The following COL13A1 variants were observed in gnomAD, a reference collection of about 807,000 sequenced individuals.
COL13A1 encodes collagen type XIII alpha 1 chain.
In COL13A1, 89 loss-of-function variants were observed where a neutral mutation model predicts 130.9. The observed-to-expected ratio is 0.68, with a 90% CI of 0.57 to 0.81. The LOEUF (loss-of-function observed/expected upper bound fraction) is 0.81. Ranked by LOEUF, COL13A1 falls within the 30% of genes least tolerant of loss-of-function variation. The probability of loss-of-function intolerance (pLI) is 0.00; values close to 1 mark genes in which losing one functional copy is unlikely to be tolerated. For synonymous variants in COL13A1, 402 were observed against 341.6 expected, an observed-to-expected ratio of 1.18 and a Z score of -1.95; for missense variants, 879 against 934.6, an observed-to-expected ratio of 0.94 and a Z score of 0.78.
intron 17 of COL13A1, among the ~76,000 whole-genome samples, chr10:69,908,800 C>T (rs530649994): frequency 1.6e-4 from 24 of 152,332 alleles, no homozygotes; most frequent in African/African-American, 5.8e-4. Context: ...GGGAGATTTG[C>T]TCAGAGCCTC....
At chr10:69,905,145 C>T (rs896760420) in intron 16 of COL13A1, among the ~76,000 whole-genome samples, 186 bp downstream of exon 16, 9 of 152,178 alleles carry the variant, frequency 5.9e-5, no homozygotes, top group Non-Finnish European at 1.2e-4. Context: ...ACAAGAATTG[C>T]ACTTCTTGGG....
chr10:69,889,544 T>G, intron 10 of COL13A1, 104 bp downstream of exon 10: 1 of 1,433,172 alleles, frequency 7.0e-7, no homozygotes. Context: ...ACAACAGGAA[T>G]GGCTGTCCAT....
intron 1 of COL13A1, among the ~76,000 whole-genome samples, chr10:69,816,956 G>A (rs1047404498): frequency 3.9e-5 from 6 of 152,146 alleles, no homozygotes; most frequent in South Asian, 2.1e-4. Context: ...TCTCTTTTCC[G>A]TTTTTATGCT....
intron 21 of COL13A1, among the ~76,000 whole-genome samples, chr10:69,921,529 C>T (rs1011980111): frequency 1.3e-5 from 2 of 152,196 alleles, no homozygotes; most frequent in African/African-American, 4.8e-5. Context: ...CAACCACTGG[C>T]GTTCTGAACT....
At chr10:69,877,695 T>TCA (rs2059720967) in intron 5 of COL13A1, 8 of 112,242 alleles carry the variant, frequency 7.1e-5, no homozygotes, top group South Asian at 2.9e-4. Context: ...TCTCTCTCTC[T>TCA]CTCTCACACA....
intron 2 of COL13A1, among the ~76,000 whole-genome samples, chr10:69,863,732 AAG>A (rs1412309224): frequency 2.6e-5 from 4 of 152,122 alleles, no homozygotes; most frequent in Non-Finnish European, 5.9e-5. Context: ...GCTTTGCAGC[AAG>A]AGAGACCAAA....
intron 6 of COL13A1, among the ~76,000 whole-genome samples, chr10:69,878,766 C>T (rs2059862380): frequency 6.6e-6 from 1 of 152,204 alleles, no homozygotes; most frequent in South Asian, 2.1e-4. Context: ...CAGGTGTGAG[C>T]CACCATGCCT....
At position 69,846,397 on chromosome 10, in the gene COL13A1, C is replaced by T. The variant is rs1174555997; in HGVS notation, c.365-21401C>T. Among the ~76,000 whole-genome samples the T allele has an allele frequency of 3.3e-5, 5 of 152,100 alleles. No individual in the cohort carries two copies. In the South Asian group the frequency reaches 8.3e-4, roughly 25 times the overall value. On this transcript the variant is annotated intron_variant, in intron 2 of 40. Transcript: ENST00000645393. ...CTGGGGTTGGGGTTGGGGGGAGGGG[C>T]GGTGACAGACAGGCTGACGGGGAGG...
rs751415981 is a variant in COL13A1 at position 69,889,478 on chromosome 10, G to A, written c.603+38G>A. Reference sequence around the variant, plus strand: ...CTTTCCTGCCTTCCCGAGATGGGTGGGGGTTGGCCCAGCCTCACAGGCACA... The same window carrying A: ...CTTTCCTGCCTTCCCGAGATGGGTGAGGGTTGGCCCAGCCTCACAGGCACA... On this transcript the variant is annotated intron_variant, in intron 10 of 40. Transcript: ENST00000645393. The A allele has an allele frequency of 4.4e-6, 7 of 1,605,634 alleles. No homozygotes were observed. The Admixed American group carries it at 1.2e-4, about 27-fold the overall frequency.
intron 1 of COL13A1, among the ~76,000 whole-genome samples, chr10:69,816,065 A>G (rs1359080046): frequency 6.6e-6 from 1 of 151,562 alleles, no homozygotes; most frequent in Admixed American, 6.6e-5. Context: ...GAGAAAGCCC[A>G]GCATGTATGA....
At chr10:69,883,786 C>T (rs935853730) in intron 7 of COL13A1, among the ~76,000 whole-genome samples, 10 of 152,140 alleles carry the variant, frequency 6.6e-5, no homozygotes, top group African/African-American at 1.2e-4. Flanking sequence ...GTTAGGCTGA[C>T]GTGGGACATG....
chr10:69,876,786 G>A (rs1364669254), intron 5 of COL13A1, among the ~76,000 whole-genome samples: 1 of 152,238 alleles, frequency 6.6e-6, no homozygotes, highest in Non-Finnish European at 1.5e-5. Flanking sequence ...ACCCAAAATA[G>A]GGTGGAGTTG....
chr10:69,862,051 G>A (rs1488118850), intron 2 of COL13A1, among the ~76,000 whole-genome samples: 1 of 152,200 alleles, frequency 6.6e-6, no homozygotes, highest in African/African-American at 2.4e-5. Context: ...CCAATTTCCA[G>A]CTGCCAGTGT....
At chr10:69,909,450 C>G (rs1451505823) in intron 17 of COL13A1, among the ~76,000 whole-genome samples, 1 of 152,226 alleles carries the variant, frequency 6.6e-6, no homozygotes, top group Non-Finnish European at 1.5e-5. Flanking sequence ...GTCACTGAGT[C>G]TTTTCAGTAG....
chr10:69,918,422 G>A, intron 19 of COL13A1, 105 bp downstream of exon 19: 1 of 1,105,746 alleles, frequency 9.0e-7, no homozygotes, highest in African/African-American at 1.5e-5. Context: ...AGACCAATGA[G>A]GGGGCATACA....
chr10:69,925,090 T>A (rs1292818039), intron 25 of COL13A1, 83 bp downstream of exon 25: 1 of 1,363,264 alleles, frequency 7.3e-7, no homozygotes, highest in Non-Finnish European at 9.7e-7. Flanking sequence ...CAATTAATAT[T>A]TAGAAGTTTA....
At chr10:69,846,205 G>A (rs2133373150) in intron 2 of COL13A1, among the ~76,000 whole-genome samples, 1 of 152,376 alleles carries the variant, frequency 6.6e-6, no homozygotes, top group East Asian at 1.9e-4. Context: ...GAGCAGCCCA[G>A]CCCTCGGTAA....
chr10:69,815,498 C>A (rs1844243735), intron 1 of COL13A1, among the ~76,000 whole-genome samples: 1 of 152,148 alleles, frequency 6.6e-6, no homozygotes, highest in African/African-American at 2.4e-5. Flanking sequence ...GAGGGTCCAC[C>A]CTAGGGCCTC....
At chr10:69,889,094 G>T (rs1043237195) in intron 9 of COL13A1, among the ~76,000 whole-genome samples, 1 of 152,210 alleles carries the variant, frequency 6.6e-6, no homozygotes, top group Admixed American at 6.5e-5. Flanking sequence ...CTCATGTCAC[G>T]GGACCAGGCA....
Sources: gnomAD v4.1 joint callset for allele counts (sites outside exome capture counted in the v4.1 genomes callset) on GRCh38, gnomAD v4.1.1 for gene constraint, MANE v1.5 for transcripts, NCBI Gene and HGNC (gene_info 2026-07-23, HGNC 2026-07-21) for gene names.